DENND1A: variants seen among roughly 807,000 people sequenced by gnomAD.
DENND1A encodes the protein DENN domain-containing protein 1A.
In DENND1A, 51 loss-of-function variants were observed where a neutral mutation model predicts 113.7. The observed-to-expected ratio is 0.45, with a 90% CI of 0.36 to 0.57. DENND1A has a LOEUF of 0.57. Among genes scored for constraint, DENND1A ranks in the 20% least tolerant of loss-of-function variants. The pLI is 0.00. For missense variants in DENND1A, 1,258 were observed against 1,395.9 expected (o/e 0.90, Z 1.57); for synonymous variants, 565 against 570.8 (o/e 0.99, Z 0.14).
chr9:123,673,326 T>C (rs1028839566), intron 6 of DENND1A, among the ~76,000 whole-genome samples: 1 of 152,238 alleles, frequency 6.6e-6, no homozygotes, highest in Non-Finnish European at 1.5e-5. Flanking sequence ...TTATTCAGTG[T>C]GACATAATCC....
chr9:123,499,958 G>T (rs897666239), intron 13 of DENND1A, among the ~76,000 whole-genome samples: 5 of 152,208 alleles, frequency 3.3e-5, no homozygotes, highest in Non-Finnish European at 7.3e-5. Flanking sequence ...GAATCGATGA[G>T]CAAGGAAGCA....
chr9:123,452,290 T>C lies in DENND1A; in HGVS notation c.1285A>G (p.Thr429Ala). The change falls in exon 17 of 24, where the codon ACT becomes GCT. Residue 429 changes from threonine to alanine, a missense_variant. Transcript: ENST00000394215. ...VKTKANPAMK[T>A]VYKFAKDHAK... ...CCAGTACTTACGAACTTGTAGACAGTCTTCATGGCCGGATTTGCTTTGGTC... is the reference window on the plus strand; with the variant it reads ...CCAGTACTTACGAACTTGTAGACAGCCTTCATGGCCGGATTTGCTTTGGTC... 1.9e-6 allele frequency: 3 copies of C among 1,614,250 alleles called. No individual in the cohort carries two copies. Among genetic ancestry groups the C allele is most frequent in the Non-Finnish European group, 2.5e-6 (3 of 1,180,038 alleles).
chr9:123,843,534 G>A (rs901534977), intron 2 of DENND1A: 3 of 261,042 alleles, frequency 1.1e-5, no homozygotes, highest in Non-Finnish European at 2.3e-5. Flanking sequence ...ATAACTTGAA[G>A]CACTGCCAAT....
rs191725582 is a variant in DENND1A at position 123,860,149 on chromosome 9, C to T, written c.88+18802G>A. On this transcript the variant is annotated intron_variant, in intron 2 of 23. Transcript: ENST00000394215. The stretch of plus-strand genomic sequence containing the variant: ...ACTTTATGCTCATTTTAATCTGCAA[C>T]GTTACGTTGTCTCTGGTCTCTAAAT... 4.9e-4 allele frequency among the ~76,000 whole-genome samples: 74 copies of T among 152,270 alleles called. 1 individual carries two copies. Among genetic ancestry groups the T allele is most frequent in the African/African-American group, 1.7e-3 (72 of 41,560 alleles).
intron 9 of DENND1A, among the ~76,000 whole-genome samples, chr9:123,645,586 T>C (rs754969862): frequency 6.6e-6 from 1 of 152,210 alleles, no homozygotes; most frequent in Non-Finnish European, 1.5e-5. Context: ...CCTCTCAGGA[T>C]GCTGCCAACT....
intron 21 of DENND1A, among the ~76,000 whole-genome samples, chr9:123,392,089 G>A (rs564668088): frequency 6.6e-5 from 10 of 152,306 alleles, no homozygotes; most frequent in African/African-American, 2.4e-4. Flanking sequence ...TAGCGCGCGC[G>A]TGTGACAGTG....
At chr9:123,412,850 T>A (rs1315778042) in intron 19 of DENND1A, among the ~76,000 whole-genome samples, 1 of 152,198 alleles carries the variant, frequency 6.6e-6, no homozygotes, top group African/African-American at 2.4e-5. Context: ...TACATCTAAC[T>A]GGACCAAATC....
At chr9:123,403,099 C>T (rs1395985631) in intron 21 of DENND1A, among the ~76,000 whole-genome samples, 4 of 152,188 alleles carry the variant, frequency 2.6e-5, no homozygotes, top group East Asian at 1.9e-4. Flanking sequence ...CCTACTGACT[C>T]GGCATCTTCA....
chr9:123,730,452 AACAG>A, intron 5 of DENND1A, among the ~76,000 whole-genome samples: 3 of 152,360 alleles, frequency 2.0e-5, no homozygotes, highest in Non-Finnish European at 4.4e-5. Context: ...AAAGGATATG[AACAG>A]ACACTTTTCA....
chr9:123,888,527 G>A (rs923532254), intron 1 of DENND1A, among the ~76,000 whole-genome samples: 15 of 152,206 alleles, frequency 9.9e-5, no homozygotes, highest in African/African-American at 3.6e-4. Flanking sequence ...AGTAATGGAA[G>A]AAACTGCTGG....
chr9:123,762,607 A>G (rs1431830313), intron 4 of DENND1A, among the ~76,000 whole-genome samples: 1 of 152,242 alleles, frequency 6.6e-6, no homozygotes, highest in South Asian at 2.1e-4. Flanking sequence ...GCACTGTAAC[A>G]AGTGCTGGAT....
chr9:123,556,792 C>T (rs762843263), intron 13 of DENND1A, among the ~76,000 whole-genome samples: 6 of 152,250 alleles, frequency 3.9e-5, no homozygotes, highest in Non-Finnish European at 7.3e-5. Flanking sequence ...TTCCTGCATT[C>T]TCCTCAACCA....
intron 1 of DENND1A, among the ~76,000 whole-genome samples, chr9:123,912,709 T>A (rs1854235622): frequency 6.6e-6 from 1 of 151,440 alleles, no homozygotes; most frequent in Non-Finnish European, 1.5e-5. Context: ...ATCAGTGTGG[T>A]TTCAGTGGAG....
intron 1 of DENND1A, among the ~76,000 whole-genome samples, chr9:123,894,097 G>A (rs762143924): frequency 2.0e-5 from 3 of 152,032 alleles, no homozygotes; most frequent in Non-Finnish European, 4.4e-5. Flanking sequence ...TACTACACTG[G>A]GAACTTTGTT....
chr9:123,700,709 T>C (rs1161489828), intron 5 of DENND1A, among the ~76,000 whole-genome samples: 2 of 152,198 alleles, frequency 1.3e-5, no homozygotes, highest in South Asian at 4.1e-4. Context: ...GTTAGTTAGA[T>C]TTAAAATACC....
At chr9:123,832,542 A>C (rs1840383389) in intron 2 of DENND1A, among the ~76,000 whole-genome samples, 1 of 152,234 alleles carries the variant, frequency 6.6e-6, no homozygotes, top group Non-Finnish European at 1.5e-5. Flanking sequence ...GGGAGTATAC[A>C]AACACCAGAT....
chr9:123,392,112 G>T (rs1217833695), intron 21 of DENND1A, among the ~76,000 whole-genome samples: 2 of 152,184 alleles, frequency 1.3e-5, no homozygotes, highest in Non-Finnish European at 2.9e-5. Flanking sequence ...GACAGGCGAG[G>T]CTGTTCCTTT....
At chr9:123,835,148 A>G (rs997086087) in intron 2 of DENND1A, among the ~76,000 whole-genome samples, 1 of 151,924 alleles carries the variant, frequency 6.6e-6, no homozygotes, top group Non-Finnish European at 1.5e-5. Flanking sequence ...CTTCTATTAT[A>G]CTCGGTGAAC....
intron 9 of DENND1A, 49 bp downstream of exon 9, chr9:123,651,964 C>A: frequency 6.6e-7 from 1 of 1,520,100 alleles, no homozygotes; most frequent in Admixed American, 1.8e-5. Context: ...GTGTATCTTT[C>A]AATTAAAATT....
Sources: gnomAD v4.1 joint callset for allele counts (sites outside exome capture counted in the v4.1 genomes callset) on GRCh38, gnomAD v4.1.1 for gene constraint, MANE v1.5 for transcripts, NCBI Gene and HGNC (gene_info 2026-07-23, HGNC 2026-07-21) for gene names.